The following KCNT2 variants were observed in gnomAD, a reference collection of about 807,000 sequenced individuals.
The protein encoded by KCNT2 is potassium sodium-activated channel subfamily T member 2, also known as potassium channel subfamily T member 2.
KCNT2 carries 67 observed loss-of-function variants against 153.8 expected under a neutral mutation model. The observed-to-expected ratio is 0.44, with a 90% CI of 0.36 to 0.53. The LOEUF is 0.53. KCNT2 is among the 20% of genes least tolerant of loss of function. The pLI is 0.00. For synonymous variants in KCNT2, 500 were observed against 458.8 expected (o/e 1.09, Z -1.15); for missense variants, 975 against 1,354.8 (o/e 0.72, Z 4.40).
chr1:196,434,482 T>A (rs74136546), intron 8 of KCNT2, among the ~76,000 whole-genome samples: 3,034 of 152,056 alleles, frequency 0.02, 91 homozygotes, highest in African/African-American at 0.069. Context: ...TTTAACATAA[T>A]GTACTCATAA....
chr1:196,602,423 C>A (rs1664825595), intron 1 of KCNT2, among the ~76,000 whole-genome samples: 1 of 152,052 alleles, frequency 6.6e-6, no homozygotes, highest in African/African-American at 2.4e-5. Context: ...TGTTGGTGTC[C>A]CCATGAAATT....
intron 3 of KCNT2, among the ~76,000 whole-genome samples, chr1:196,489,224 C>G (rs889258880): frequency 2.6e-5 from 4 of 151,968 alleles, no homozygotes; most frequent in Admixed American, 1.3e-4. Context: ...TACTAAGGAA[C>G]TTCTTTTACT....
intron 13 of KCNT2, among the ~76,000 whole-genome samples, chr1:196,384,218 T>A (rs1320499206): frequency 6.6e-6 from 1 of 152,190 alleles, no homozygotes; most frequent in East Asian, 1.9e-4. Flanking sequence ...TAACTTCAAT[T>A]GAAGTGACTC....
intron 1 of KCNT2, among the ~76,000 whole-genome samples, chr1:196,563,628 C>A (rs1264978843): frequency 6.6e-6 from 1 of 151,766 alleles, no homozygotes; most frequent in African/African-American, 2.4e-5. Flanking sequence ...AAAATACTAG[C>A]AAGCCAAATT....
intron 16 of KCNT2, among the ~76,000 whole-genome samples, chr1:196,336,095 G>C (rs1665001234): frequency 6.6e-6 from 1 of 152,034 alleles, no homozygotes; most frequent in Non-Finnish European, 1.5e-5. Flanking sequence ...AATACACCCA[G>C]ACAGTTTAGC....
At chr1:196,490,950 C>T (rs1346843679) in intron 2 of KCNT2, among the ~76,000 whole-genome samples, 1 of 151,854 alleles carries the variant, frequency 6.6e-6, no homozygotes, top group Non-Finnish European at 1.5e-5. Flanking sequence ...CAGTTCTTAC[C>T]AGTAAAAAGG....
At chr1:196,557,308 G>A (rs908860071) in intron 1 of KCNT2, among the ~76,000 whole-genome samples, 4 of 151,054 alleles carry the variant, frequency 2.6e-5, no homozygotes, top group East Asian at 1.9e-4. Flanking sequence ...TTAATAAAAC[G>A]TTCCTTGTTT....
At chr1:196,343,065 A>G in intron 14 of KCNT2, 1 of 152,286 alleles carries the variant, frequency 6.6e-6, no homozygotes. Flanking sequence ...CCAGCACTGG[A>G]TCATGTTGGC....
intron 21 of KCNT2, among the ~76,000 whole-genome samples, chr1:196,306,549 C>T (rs1191772634): frequency 6.6e-6 from 1 of 152,088 alleles, no homozygotes; most frequent in African/African-American, 2.4e-5. Context: ...GCCAGGAATG[C>T]TCCCTCCTGC....
At chr1:196,385,723 T>A (rs572395031) in intron 13 of KCNT2, among the ~76,000 whole-genome samples, 1 of 151,416 alleles carries the variant, frequency 6.6e-6, no homozygotes, top group African/African-American at 2.4e-5. Context: ...GAATGTGGAT[T>A]CAAGTACTGT....
chr1:196,455,787 CT>C (rs1676613895), intron 8 of KCNT2, among the ~76,000 whole-genome samples: 1 of 151,958 alleles, frequency 6.6e-6, no homozygotes, highest in Non-Finnish European at 1.5e-5. Context: ...GCAGAGGCGT[CT>C]TTGCTCCTGG....
chr1:196,431,502 G>A (rs1013588456), intron 8 of KCNT2, among the ~76,000 whole-genome samples: 6 of 151,930 alleles, frequency 3.9e-5, no homozygotes, highest in Non-Finnish European at 5.9e-5. Flanking sequence ...CGACGGTAAC[G>A]GCCTTTCTGA....
intron 26 of KCNT2, among the ~76,000 whole-genome samples, chr1:196,244,652 C>T (rs543400147): frequency 6.6e-6 from 1 of 152,184 alleles, no homozygotes; most frequent in Non-Finnish European, 1.5e-5. Context: ...TGGACTTTGC[C>T]TGTGGTTTTG....
intron 26 of KCNT2, among the ~76,000 whole-genome samples, chr1:196,256,245 G>A (rs957229983): frequency 6.6e-6 from 1 of 151,784 alleles, no homozygotes; most frequent in African/African-American, 2.4e-5. Context: ...GTACCACTGA[G>A]CCATTTTTTA....
intron 26 of KCNT2, among the ~76,000 whole-genome samples, chr1:196,254,337 C>T (rs1428716482): frequency 6.6e-6 from 1 of 151,338 alleles, no homozygotes; most frequent in African/African-American, 2.4e-5. Flanking sequence ...CACACACACT[C>T]ATTTATATTA....
intron 26 of KCNT2, among the ~76,000 whole-genome samples, chr1:196,252,343 T>C (rs1036252574): frequency 7.3e-5 from 11 of 151,720 alleles, no homozygotes; most frequent in African/African-American, 2.4e-4. Flanking sequence ...ACATTGTAGA[T>C]GTAAGAGGCC....
At chr1:196,511,479 G>C (rs925415191) in intron 1 of KCNT2, among the ~76,000 whole-genome samples, 6 of 152,170 alleles carry the variant, frequency 3.9e-5, no homozygotes, top group Admixed American at 1.3e-4. Flanking sequence ...TAGCTGTCTT[G>C]TCATAGTTCG....
At chr1:196,530,166 A>G (rs1358976674) in intron 1 of KCNT2, among the ~76,000 whole-genome samples, 2 of 152,032 alleles carry the variant, frequency 1.3e-5, no homozygotes, top group Non-Finnish European at 2.9e-5. Context: ...GAAAATATAT[A>G]TATGTATAAA....
chr1:196,514,233 A>T (rs1410843304), intron 1 of KCNT2, among the ~76,000 whole-genome samples: 1 of 152,224 alleles, frequency 6.6e-6, no homozygotes, highest in Admixed American at 6.5e-5. Context: ...TGAGTGTTGA[A>T]TGAATTTTGC....
Sources: allele counts gnomAD v4.1 joint callset (sites outside exome capture counted in the v4.1 genomes callset), GRCh38; gene constraint gnomAD v4.1.1; transcripts MANE v1.5; gene names NCBI Gene and HGNC (gene_info 2026-07-23, HGNC 2026-07-21).